ATP11B: variants seen among roughly 807,000 people sequenced by gnomAD.
The protein encoded by ATP11B is ATPase phospholipid transporting 11B (putative), also known as phospholipid-transporting ATPase IF.
Under a neutral mutation model 157.8 loss-of-function variants are expected in ATP11B, and 81 were observed. The observed-to-expected ratio is 0.51, with a 90% CI of 0.43 to 0.62. The LOEUF (loss-of-function observed/expected upper bound fraction) is 0.62, where lower values mean the gene tolerates loss of function less well. ATP11B is among the 20% of genes least tolerant of loss of function. The pLI, the probability that ATP11B is intolerant of heterozygous loss-of-function variation, is 0.00. For missense variants in ATP11B, 1,165 were observed against 1,402.2 expected (o/e 0.83, Z 2.70); for synonymous variants, 451 against 469.4 (o/e 0.96, Z 0.51).
At chr3:182,897,694 A>G (rs531736280) in intron 27 of ATP11B, among the ~76,000 whole-genome samples, 145 of 152,138 alleles carry the variant, frequency 9.5e-4, no homozygotes, top group African/African-American at 3.3e-3. Context: ...AAAAGTACCA[A>G]AGCCAAGATT....
At chr3:182,836,733 TA>T (rs1718581479) in intron 6 of ATP11B, 2 of 483,806 alleles carry the variant, frequency 4.1e-6, no homozygotes, top group South Asian at 8.6e-5. Context: ...GTGGTACTTT[TA>T]AAAGATAAGG....
chr3:182,857,878 G>T lies in ATP11B; in HGVS notation c.852G>T (p.Lys284Asn). The T allele has an allele frequency of 6.7e-7, 1 of 1,488,658 alleles. No individual in the cohort carries two copies. The highest frequency in any genetic ancestry group is 1.2e-5 in the South Asian group (1 of 84,740). 92.2% of individuals were successfully genotyped at this position (1,488,658 alleles called of 1,614,324 possible). Reference protein sequence around the residue: ...SKSQKRSAVEKSMNTFLIIYL... With the variant: ...SKSQKRSAVENSMNTFLIIYL... ...TTATATTCTCTTTTTCTTCCTTAAG[G>T]TCAATGAATACATTTTTGATAATTT... Residue 284 changes from lysine to asparagine, a missense_variant and splice_region_variant, in exon 11 of 30, where the codon AAG (lysine) becomes AAT (asparagine). Physicochemically the swap from Lys to Asn is moderately conservative, Grantham distance 94. Around this residue, in one of 4 missense-constraint regions of ATP11B, gnomAD observed 737 missense variants for 930.5 expected, o/e 0.79. Coordinates refer to ENST00000323116, the MANE Select transcript of ATP11B (RefSeq NM_014616.3).
chr3:182,842,064 T>C lies in ATP11B; in HGVS notation c.657-11T>C. 6.3e-7 allele frequency: 1 copy of C among 1,591,116 alleles called. No individual in the cohort carries two copies. The highest frequency in any genetic ancestry group is 8.6e-7 in the Non-Finnish European group (1 of 1,162,106). ...ATATTATATGTTTTTGTAATGTGAATTTTTTGATAGATTCATGGGACGAAT... is the reference window on the plus strand; with the variant it reads ...ATATTATATGTTTTTGTAATGTGAACTTTTTGATAGATTCATGGGACGAAT... On this transcript the variant is annotated splice_polypyrimidine_tract_variant and intron_variant, in intron 7 of 29. Transcript: ENST00000323116.
chr3:182,850,777 T>G (rs771911438), intron 10 of ATP11B, among the ~76,000 whole-genome samples: 2 of 152,162 alleles, frequency 1.3e-5, no homozygotes, highest in African/African-American at 2.4e-5. Flanking sequence ...AAGGAATATC[T>G]GCACTTGCAT....
intron 1 of ATP11B, among the ~76,000 whole-genome samples, chr3:182,811,443 TCACC>T (rs983988475): frequency 1.3e-5 from 2 of 152,300 alleles, no homozygotes; most frequent in Admixed American, 6.5e-5. Flanking sequence ...TACTTCTGCC[TCACC>T]CACCCAGTAA....
chr3:182,837,312 T>C (rs1718631615), intron 7 of ATP11B, 138 bp downstream of exon 7: 3 of 583,636 alleles, frequency 5.1e-6, no homozygotes, highest in Non-Finnish European at 8.7e-6. Context: ...ATGCAATTAA[T>C]GGTGAAAAAA....
Position 182,874,001 on chromosome 3 carries a change from G to A in ATP11B, c.2238G>A (p.Arg746=). 1 of 1,613,842 alleles carries A rather than the reference G, an allele frequency of 6.2e-7. No individual in the cohort carries two copies. Among genetic ancestry groups the A allele is most frequent in the Non-Finnish European group, 8.5e-7 (1 of 1,179,888 alleles). Reference sequence around the variant, plus strand: ...ACAGCGAGTGTGCTGAACAATTGAGGCAGCTTGCCAGAAGGTAAGAATATA... The same window carrying A: ...ACAGCGAGTGTGCTGAACAATTGAGACAGCTTGCCAGAAGGTAAGAATATA... ...KSDSECAEQL[R]QLARRITEDH... Residue 746 remains arginine, a synonymous_variant, in exon 19 of 30, where the codon AGG becomes AGA. Coordinates refer to ENST00000323116, the MANE Select transcript of ATP11B (RefSeq NM_014616.3).
At chr3:182,881,900 T>C (rs1365979529) in intron 21 of ATP11B, among the ~76,000 whole-genome samples, 1 of 152,202 alleles carries the variant, frequency 6.6e-6, no homozygotes, top group Non-Finnish European at 1.5e-5. Context: ...AAACACAACA[T>C]CTCAAGTAGT....
intron 25 of ATP11B, among the ~76,000 whole-genome samples, chr3:182,890,802 A>G (rs897043216): frequency 2.0e-5 from 3 of 152,196 alleles, no homozygotes; most frequent in African/African-American, 7.2e-5. Context: ...TAATTTTCGC[A>G]TGTTAGAAAA....
intron 4 of ATP11B, 60 bp downstream of exon 4, chr3:182,829,812 TCCA>T (rs1717992868): frequency 6.9e-7 from 1 of 1,446,542 alleles, no homozygotes. Context: ...GCTAAATATT[TCCA>T]CTCCAAAGTA....
intron 12 of ATP11B, among the ~76,000 whole-genome samples, chr3:182,862,819 T>G (rs1328352980): frequency 7.7e-6 from 1 of 130,118 alleles, no homozygotes; most frequent in African/African-American, 3.8e-5. Context: ...TCTTTTTCTG[T>G]TTTTTTTTTT....
At chr3:182,858,681 G>A (rs893692068) in intron 11 of ATP11B, among the ~76,000 whole-genome samples, 8 of 152,078 alleles carry the variant, frequency 5.3e-5, no homozygotes, top group African/African-American at 1.2e-4. Flanking sequence ...CGCTAAAGCC[G>A]TTAAAGTAGG....
intron 1 of ATP11B, among the ~76,000 whole-genome samples, chr3:182,800,831 A>G (rs897261620): frequency 5.4e-5 from 8 of 149,212 alleles, no homozygotes; most frequent in Non-Finnish European, 1.2e-4. Context: ...CCCAGGCTAG[A>G]GTGCAGTGGC....
rs772102086 is a variant in ATP11B, at chr3:182,897,418, T to C, written c.3152+12T>C. The C allele has an allele frequency of 2.7e-6, 4 of 1,468,468 alleles. No homozygotes were observed. Among genetic ancestry groups the C allele is most frequent in the Middle Eastern group, 1.8e-4 (1 of 5,638 alleles). The allele number at this position is 1,468,468 out of a possible 1,614,324, so 91.0% of individuals were successfully genotyped here. ...GGAGGGATTCTCTGGTGAGTGAATATATTGTATTTTAATTGGATTGCTTCA... is the reference window on the plus strand; with the variant it reads ...GGAGGGATTCTCTGGTGAGTGAATACATTGTATTTTAATTGGATTGCTTCA... On this transcript the variant is annotated intron_variant, in intron 27 of 29. Coordinates refer to ENST00000323116, the MANE Select transcript of ATP11B (RefSeq NM_014616.3).
intron 1 of ATP11B, among the ~76,000 whole-genome samples, chr3:182,806,528 C>T (rs1166820605): frequency 2.0e-5 from 3 of 151,954 alleles, no homozygotes; most frequent in Non-Finnish European, 4.4e-5. Flanking sequence ...TTTTCTTATT[C>T]TCATCTCATT....
intron 12 of ATP11B, 59 bp from the exon 13 acceptor site, chr3:182,865,397 T>G: frequency 6.5e-7 from 1 of 1,535,382 alleles, no homozygotes; most frequent in Non-Finnish European, 8.7e-7. Flanking sequence ...ATTTTTTTCT[T>G]GTTTAACATA....
chr3:182,821,297 T>G (rs1463259995), intron 2 of ATP11B, among the ~76,000 whole-genome samples: 1 of 152,076 alleles, frequency 6.6e-6, no homozygotes, highest in African/African-American at 2.4e-5. Flanking sequence ...TTAGTGGAGA[T>G]GGGATTTCAC....
At chr3:182,886,458 G>A (rs572358120) in intron 23 of ATP11B, among the ~76,000 whole-genome samples, 5 of 152,062 alleles carry the variant, frequency 3.3e-5, no homozygotes, top group Non-Finnish European at 7.4e-5. Flanking sequence ...TTAAATAATT[G>A]ATGGGGCACC....
rs530779002 is a variant in ATP11B, at chr3:182,921,459, T to C, written c.*3355T>C. On this transcript the variant is annotated 3_prime_UTR_variant, in exon 30 of 30. Transcript: ENST00000323116. Reference sequence around the variant, plus strand: ...TATGAGGAATGAGTATCTGGAAATATTGTAGCAATACTTGGTTTAAAATTT... The same window carrying C: ...TATGAGGAATGAGTATCTGGAAATACTGTAGCAATACTTGGTTTAAAATTT... The C allele has an allele frequency of 1.7e-4, 26 of 152,312 alleles. No individual in the cohort carries two copies. The South Asian group carries it at 5.2e-3, about 30-fold the overall frequency. The allele number at this position is 152,312 out of a possible 1,614,324, so 9.4% of individuals were successfully genotyped here. A position where few individuals can be genotyped will look rare whatever the true frequency, so the allele number is the denominator to read the frequency against.
Sources: allele counts gnomAD v4.1 joint callset (sites outside exome capture counted in the v4.1 genomes callset), GRCh38; gene constraint gnomAD v4.1.1; regional missense constraint gnomAD v4.1.1; transcripts MANE v1.5; gene names NCBI Gene and HGNC (gene_info 2026-07-23, HGNC 2026-07-21).